Variants in TLE1 observed in about 807,000 individuals in gnomAD.
TLE1 encodes the protein TLE family member 1, transcriptional corepressor.
TLE1 carries 21 observed loss-of-function variants against 89.8 expected under a neutral mutation model. The observed-to-expected ratio is 0.23, with a 90% CI of 0.17 to 0.34. The LOEUF is 0.34. Among genes scored for constraint, TLE1 ranks in the 10% least tolerant of loss-of-function variants. The pLI is 1.00. For synonymous variants in TLE1, 447 were observed against 407.6 expected (o/e 1.10, Z -1.16); for missense variants, 795 against 1,031.2 (o/e 0.77, Z 3.14).
At chr9:81,687,029 C>A (rs1054048249) in intron 2 of TLE1, among the ~76,000 whole-genome samples, 1 of 152,162 alleles carries the variant, frequency 6.6e-6, no homozygotes, top group Admixed American at 6.5e-5. Context: ...GCTCAGTCTG[C>A]TGAAAAATAA....
intron 4 of TLE1, among the ~76,000 whole-genome samples, chr9:81,657,294 G>C (rs915342761): frequency 3.9e-5 from 6 of 152,128 alleles, no homozygotes; most frequent in Non-Finnish European, 8.8e-5. Context: ...AGAACTTTAA[G>C]TCTTTATGTG....
chr9:81,668,178 AAAAG>A (rs978406070), intron 4 of TLE1, among the ~76,000 whole-genome samples: 4 of 152,142 alleles, frequency 2.6e-5, no homozygotes, highest in East Asian at 1.9e-4. Context: ...GAAAAAAAAA[AAAAG>A]AAGGATATGT....
intron 6 of TLE1, among the ~76,000 whole-genome samples, chr9:81,636,629 T>C (rs1827397403): frequency 6.6e-6 from 1 of 152,092 alleles, no homozygotes; most frequent in East Asian, 1.9e-4. Context: ...AAATCTAGAA[T>C]GGAGTCACCA....
At chr9:81,674,380 A>G (rs3739581) in intron 4 of TLE1, among the ~76,000 whole-genome samples, 57,189 of 151,950 alleles carry the variant, frequency 0.38, 13,546 homozygotes, top group African/African-American at 0.68. Context: ...AACAAAGACT[A>G]TGCTCCTGAG....
intron 4 of TLE1, among the ~76,000 whole-genome samples, chr9:81,675,698 G>GTTTTTTTTTTT (rs35060460): frequency 0.012 from 1,515 of 129,340 alleles, 259 homozygotes; most frequent in African/African-American, 0.043. Flanking sequence ...ACTCACACTA[G>GTTTTTTTTTTT]TTTTTTTTTG....
intron 8 of TLE1, among the ~76,000 whole-genome samples, chr9:81,627,525 G>A (rs1826051812): frequency 6.6e-6 from 1 of 152,136 alleles, no homozygotes; most frequent in African/African-American, 2.4e-5. Flanking sequence ...ATTCACAGCA[G>A]TGATGCCAAC....
chr9:81,659,619 T>A (rs948709106), intron 4 of TLE1, among the ~76,000 whole-genome samples: 1 of 152,160 alleles, frequency 6.6e-6, no homozygotes, highest in Non-Finnish European at 1.5e-5. Context: ...CCAAATTACC[T>A]GTCTACAACA....
At chr9:81,606,703 C>T (rs1024805066) in intron 14 of TLE1, among the ~76,000 whole-genome samples, 1 of 151,504 alleles carries the variant, frequency 6.6e-6, no homozygotes, top group African/African-American at 2.4e-5. Flanking sequence ...TGCAGAAAAC[C>T]AACATGGCAC....
At chr9:81,624,774 AAT>A (rs1372537824) in intron 8 of TLE1, among the ~76,000 whole-genome samples, 1 of 152,168 alleles carries the variant, frequency 6.6e-6, no homozygotes, top group African/African-American at 2.4e-5. Context: ...TTTCATTTAA[AAT>A]TAAAAAAATA....
chr9:81,585,568 G>A lies in TLE1; in HGVS notation c.2065C>T (p.Pro689Ser). Residue 689 changes from proline to serine, a missense_variant, in exon 18 of 20, where the codon CCT (proline) becomes TCT (serine). Pro to Ser is a moderately conservative substitution (Grantham distance 74). This residue lies in a region of TLE1 where 214 missense variants were observed against 354.9 expected (regional missense o/e 0.60). Transcript: ENST00000376499. Reference protein sequence around the residue: ...SNVEVLHVNKPDKYQLHLHES... With the variant: ...SNVEVLHVNKSDKYQLHLHES... ...TGCAGGTGCAGCTGGTACTTGTCAGGCTTGTTCACGTGCAGCACCTCCACA... is the reference window on the plus strand; with the variant it reads ...TGCAGGTGCAGCTGGTACTTGTCAGACTTGTTCACGTGCAGCACCTCCACA... 1 of 1,614,170 alleles carries A rather than the reference G, an allele frequency of 6.2e-7. No individual in the cohort carries two copies. The highest frequency in any genetic ancestry group is 1.7e-5 in the Admixed American group (1 of 60,018).
intron 6 of TLE1, among the ~76,000 whole-genome samples, chr9:81,639,361 G>A (rs754804824): frequency 6.6e-6 from 1 of 152,078 alleles, no homozygotes; most frequent in African/African-American, 2.4e-5. Flanking sequence ...TACCATAGCT[G>A]GCCTGCATCT....
chr9:81,687,657 G>A (rs1178896464), intron 1 of TLE1, among the ~76,000 whole-genome samples: 1 of 152,142 alleles, frequency 6.6e-6, no homozygotes. Flanking sequence ...CCAGTCTCCA[G>A]GGCGGATTGC....
chr9:81,584,628 C>A, intron 18 of TLE1, 104 bp from the exon 19 acceptor site: 1 of 1,007,098 alleles, frequency 9.9e-7, no homozygotes, highest in East Asian at 2.5e-5. Flanking sequence ...AATATATGAA[C>A]TATCATGCCC....
chr9:81,682,312 C>G (rs538550647), intron 4 of TLE1, among the ~76,000 whole-genome samples: 1 of 151,730 alleles, frequency 6.6e-6, no homozygotes, highest in East Asian at 1.9e-4. Flanking sequence ...CAACCCAACT[C>G]AAGCTTCAAT....
At chr9:81,598,134 G>A (rs1201138379) in intron 14 of TLE1, among the ~76,000 whole-genome samples, 1 of 152,122 alleles carries the variant, frequency 6.6e-6, no homozygotes, top group Non-Finnish European at 1.5e-5. Context: ...TCAAAAATCT[G>A]ATCGTGTCAA....
intron 6 of TLE1, among the ~76,000 whole-genome samples, chr9:81,637,265 G>A (rs1827501374): frequency 6.6e-6 from 1 of 152,158 alleles, no homozygotes; most frequent in South Asian, 2.1e-4. Flanking sequence ...GGCTGAGGTG[G>A]GAGAATCGCT....
intron 14 of TLE1, among the ~76,000 whole-genome samples, chr9:81,604,490 C>T (rs1393011755): frequency 1.3e-5 from 2 of 152,068 alleles, no homozygotes; most frequent in Admixed American, 6.5e-5. Context: ...GTGGTCTCAG[C>T]GGGTAGGAAA....
At chr9:81,657,868 C>A (rs927417352) in intron 4 of TLE1, among the ~76,000 whole-genome samples, 138 of 145,308 alleles carry the variant, frequency 9.5e-4, no homozygotes, top group Non-Finnish European at 6.6e-4. Context: ...GAAATAATGA[C>A]AAGAAAAAAG....
chr9:81,615,255 G>A (rs1259402846), intron 11 of TLE1, among the ~76,000 whole-genome samples: 1 of 150,220 alleles, frequency 6.7e-6, no homozygotes, highest in East Asian at 2.0e-4. Flanking sequence ...TTTGAACCTG[G>A]GAGGTGGAGG....
Sources: allele counts gnomAD v4.1 joint callset (sites outside exome capture counted in the v4.1 genomes callset), GRCh38; gene constraint gnomAD v4.1.1; regional missense constraint gnomAD v4.1.1; transcripts MANE v1.5; gene names NCBI Gene and HGNC (gene_info 2026-07-23, HGNC 2026-07-21).